NAPEPLD: variants seen among roughly 807,000 people sequenced by gnomAD.
NAPEPLD encodes the protein N-acyl-phosphatidylethanolamine-hydrolyzing phospholipase D.
In NAPEPLD, 23 loss-of-function variants were observed where a neutral mutation model predicts 38.1. That is an observed-to-expected ratio of 0.60 (90% CI 0.43 to 0.86). The LOEUF (loss-of-function observed/expected upper bound fraction) is 0.86. NAPEPLD is among the 40% of genes least tolerant of loss of function. The pLI, the probability that NAPEPLD is intolerant of heterozygous loss-of-function variation, is 0.00. For synonymous variants in NAPEPLD, 147 were observed against 162.0 expected, an observed-to-expected ratio of 0.91 and a Z score of 0.71; for missense variants, 411 against 476.8, an observed-to-expected ratio of 0.86 and a Z score of 1.28.
Position 103,128,543 on chromosome 7 carries a change from T to C in NAPEPLD, c.234A>G (p.Pro78=). 6.2e-7 allele frequency: 1 copy of C among 1,614,224 alleles called. No homozygotes were observed. Among genetic ancestry groups the C allele is most frequent in the South Asian group, 1.1e-5 (1 of 91,084 alleles). The change falls in exon 2 of 5, where the codon CCA becomes CCG. Residue 78 remains proline (P), a synonymous_variant. Transcript: ENST00000465647. ...PWPTWKNPSI[P]NVLRWLIMEK... ...CCATTATCAGCCATCTGAGAACATT[T>C]GGAATAGAGGGGTTTTTCCATGTTG...
At chr7:103,105,932 C>CAAA (rs1194781765) in intron 4 of NAPEPLD, among the ~76,000 whole-genome samples, 78 of 49,900 alleles carry the variant, frequency 1.6e-3, no homozygotes, top group African/African-American at 3.7e-3. Context: ...GACTCCGTCT[C>CAAA]AAAAAAAAAA....
chr7:103,130,621 G>A (rs369766133), intron 1 of NAPEPLD, among the ~76,000 whole-genome samples: 3 of 151,962 alleles, frequency 2.0e-5, no homozygotes, highest in African/African-American at 4.8e-5. Flanking sequence ...TTGAGACAGG[G>A]TCTCACTCTG....
intron 1 of NAPEPLD, chr7:103,147,827 C>T (rs1365181075): frequency 3.7e-6 from 1 of 271,778 alleles, no homozygotes; most frequent in Non-Finnish European, 5.6e-6. Flanking sequence ...TACCATAATT[C>T]TTGTAGCAGG....
rs1802275778 is a variant in NAPEPLD, at chr7:103,100,701, G to A, written c.*2728C>T. 6.6e-6 allele frequency: 1 copy of A among 152,166 alleles called. No individual in the cohort carries two copies. Among genetic ancestry groups the A allele is most frequent in the Non-Finnish European group, 1.5e-5 (1 of 68,020 alleles). The allele number at this position is 152,166 out of a possible 1,614,324, so 9.4% of individuals were successfully genotyped here. On this transcript the variant is annotated 3_prime_UTR_variant, in exon 5 of 5. Transcript: ENST00000465647. ...AAGACTGATTAAAAGACACTACAAT[G>A]CATATTAGACTGAATTGAAGAAGAG... is the stretch of plus-strand genomic sequence containing the variant.
intron 1 of NAPEPLD, among the ~76,000 whole-genome samples, chr7:103,142,982 G>A (rs186174777): frequency 1.6e-4 from 24 of 152,204 alleles, no homozygotes; most frequent in Non-Finnish European, 2.8e-4. Flanking sequence ...CCAACACGTT[G>A]GGAGGCCAAG....
chr7:103,130,838 C>G (rs929565786), intron 1 of NAPEPLD, among the ~76,000 whole-genome samples: 1 of 152,138 alleles, frequency 6.6e-6, no homozygotes, highest in African/African-American at 2.4e-5. Context: ...CTCAAGCAAT[C>G]TGCTTGCCTC....
Position 103,119,462 on chromosome 7 carries a change from CA to C in NAPEPLD, c.941+114del, listed in dbSNP as rs571329710. On this transcript the variant is annotated intron_variant, in intron 3 of 4. Transcript: ENST00000465647. ...CCTACCAACCCCCAATCATGTATAA[CA>C]AAGTCCACCATTAAAATCATAAATT... 249 of 1,153,012 alleles carry C rather than the reference CA, an allele frequency of 2.2e-4. 2 individuals are homozygous for C. The South Asian group carries it at 4.1e-3, about 19-fold the overall frequency. 71.4% of individuals were successfully genotyped at this position (1,153,012 alleles called of 1,614,324 possible). A position where few individuals can be genotyped will look rare whatever the true frequency, so the allele number is the denominator to read the frequency against.
intron 1 of NAPEPLD, among the ~76,000 whole-genome samples, chr7:103,140,069 TG>T (rs1810903558): frequency 6.6e-6 from 1 of 152,176 alleles, no homozygotes; most frequent in Non-Finnish European, 1.5e-5. Flanking sequence ...GCAAAAGAAT[TG>T]AAAACATCTT....
At chr7:103,124,695 G>A (rs374171662) in intron 2 of NAPEPLD, among the ~76,000 whole-genome samples, 3 of 152,074 alleles carry the variant, frequency 2.0e-5, no homozygotes, top group African/African-American at 4.8e-5. Context: ...AAATCCTAAC[G>A]TTCATTCAAT....
chr7:103,131,534 C>T (rs1808937856), intron 1 of NAPEPLD, among the ~76,000 whole-genome samples: 2 of 152,158 alleles, frequency 1.3e-5, no homozygotes, highest in African/African-American at 4.8e-5. Flanking sequence ...TGGACCTGTG[C>T]CTGCAATCCC....
intron 4 of NAPEPLD, among the ~76,000 whole-genome samples, chr7:103,104,521 A>T (rs1802916214): frequency 6.6e-6 from 1 of 152,206 alleles, no homozygotes. Flanking sequence ...CAGGTTTGGT[A>T]ACAGTTGTTG....
chr7:103,135,292 T>A (rs1251257285), intron 1 of NAPEPLD, among the ~76,000 whole-genome samples: 1 of 152,226 alleles, frequency 6.6e-6, no homozygotes, highest in Non-Finnish European at 1.5e-5. Context: ...CAATGCTAGA[T>A]AACATGGCTA....
At chr7:103,131,041 A>G (rs896741381) in intron 1 of NAPEPLD, among the ~76,000 whole-genome samples, 4 of 152,212 alleles carry the variant, frequency 2.6e-5, no homozygotes, top group African/African-American at 9.6e-5. Context: ...ATGAAAATGT[A>G]CAAGTTTAGA....
At chr7:103,145,444 A>C (rs1371571638) in intron 1 of NAPEPLD, among the ~76,000 whole-genome samples, 2 of 152,244 alleles carry the variant, frequency 1.3e-5, no homozygotes, top group Non-Finnish European at 2.9e-5. Context: ...AAGATTGAGA[A>C]AGAAAATCAA....
chr7:103,111,596 T>C (rs1416185592), intron 4 of NAPEPLD, among the ~76,000 whole-genome samples: 1 of 152,192 alleles, frequency 6.6e-6, no homozygotes, highest in African/African-American at 2.4e-5. Flanking sequence ...TTACACCTTA[T>C]ACAAAAATTA....
intron 4 of NAPEPLD, among the ~76,000 whole-genome samples, chr7:103,114,631 A>C (rs1284513092): frequency 1.3e-5 from 2 of 152,058 alleles, no homozygotes; most frequent in South Asian, 4.2e-4. Flanking sequence ...CCATCAGCAA[A>C]CATCCTGATT....
At chr7:103,109,209 G>A (rs1804016620) in intron 4 of NAPEPLD, among the ~76,000 whole-genome samples, 1 of 152,020 alleles carries the variant, frequency 6.6e-6, no homozygotes, top group South Asian at 2.1e-4. Flanking sequence ...GGATATCAAG[G>A]AACTGAACTC....
Position 103,128,631 on chromosome 7 carries a change from C to G in NAPEPLD, c.146G>C (p.Arg49Thr), listed in dbSNP as rs1808314170. The change falls in exon 2 of 5, where the codon AGA becomes ACA. Residue 49 changes from arginine (R) to threonine (T), a missense_variant. Transcript: ENST00000465647. Reference sequence around the variant, plus strand: ...GGATTTAGTTACATCTTCTTCTAGTCTATAATCCAGTTTGAAGCTTTTCCT... The same window carrying G: ...GGATTTAGTTACATCTTCTTCTAGTGTATAATCCAGTTTGAAGCTTTTCCT... ...FSRKSFKLDY[R>T]LEEDVTKSKK... The G allele has an allele frequency of 1.9e-6, 3 of 1,614,068 alleles. No individual in the cohort carries two copies. Among genetic ancestry groups the G allele is most frequent in the African/African-American group, 2.7e-5 (2 of 74,940 alleles).
intron 1 of NAPEPLD, among the ~76,000 whole-genome samples, chr7:103,134,886 A>C (rs1809718776): frequency 6.6e-6 from 1 of 152,230 alleles, no homozygotes; most frequent in African/African-American, 2.4e-5. Context: ...CAATAACTGC[A>C]CATATGGGTA....
Sources: allele counts gnomAD v4.1 joint callset (sites outside exome capture counted in the v4.1 genomes callset), GRCh38; gene constraint gnomAD v4.1.1; transcripts MANE v1.5; gene names NCBI Gene and HGNC (gene_info 2026-07-23, HGNC 2026-07-21).